The following DCC variants were observed in gnomAD, a reference collection of about 807,000 sequenced individuals.
DCC encodes DCC netrin 1 receptor.
A neutral mutation model predicts 172.5 loss-of-function variants in DCC; 58 were observed. The observed-to-expected ratio is 0.34, with a 90% confidence interval of 0.27 to 0.42. The LOEUF (loss-of-function observed/expected upper bound fraction) is 0.42. Ranked by LOEUF, DCC falls within the 10% of genes least tolerant of loss-of-function variation. The probability of loss-of-function intolerance (pLI) is 1.00; values close to 1 mark genes in which losing one functional copy is unlikely to be tolerated. For synonymous variants in DCC, 709 were observed against 644.5 expected (o/e 1.10, Z -1.52); for missense variants, 1,740 against 1,791.0 (o/e 0.97, Z 0.51).
At position 52,541,705 on chromosome 18, in the gene DCC, C is replaced by A. The variant is rs1035456792; in HGVS notation, c.91+200827C>A. Among the ~76,000 whole-genome samples the A allele has an allele frequency of 2.0e-5, 3 of 151,836 alleles. No homozygotes were observed. In the South Asian group the frequency reaches 6.2e-4, roughly 31 times the overall value. ...TGATAAGAAGCAGGACTTGGCTTTT[C>A]ATCCTTGATATTCTTGTTAAATGGT... On this transcript the variant is annotated intron_variant, in intron 1 of 28. Coordinates refer to ENST00000442544, the MANE Select transcript of DCC (RefSeq NM_005215.4).
chr18:52,558,121 A>G (rs2032956497), intron 1 of DCC, among the ~76,000 whole-genome samples: 1 of 152,068 alleles, frequency 6.6e-6, no homozygotes, highest in South Asian at 2.1e-4. Context: ...GAATGATCAC[A>G]GTTTCTTCAT....
chr18:52,523,984 AT>A (rs2031900716), intron 1 of DCC, among the ~76,000 whole-genome samples: 2 of 152,298 alleles, frequency 1.3e-5, no homozygotes, highest in South Asian at 2.1e-4. Context: ...TCAATTAATA[AT>A]TTTTATAGTT....
intron 12 of DCC, among the ~76,000 whole-genome samples, chr18:53,286,725 C>G (rs552350291): frequency 6.6e-6 from 1 of 152,234 alleles, no homozygotes; most frequent in East Asian, 1.9e-4. Context: ...GTGAGTACCA[C>G]GCTTACAGGG....
chr18:53,481,048 A>G (rs566566485), intron 25 of DCC: 1 of 152,294 alleles, frequency 6.6e-6, no homozygotes, highest in Non-Finnish European at 1.5e-5. Flanking sequence ...AAGACATGAC[A>G]CCTGGCTTTC....
At chr18:53,132,934 G>A (rs955341226) in intron 7 of DCC, among the ~76,000 whole-genome samples, 7 of 152,194 alleles carry the variant, frequency 4.6e-5, no homozygotes, top group African/African-American at 1.7e-4. Context: ...AGCCATGAGT[G>A]CCTGCACCAC....
intron 1 of DCC, among the ~76,000 whole-genome samples, chr18:52,388,207 T>G (rs1378074732): frequency 6.6e-6 from 1 of 152,078 alleles, no homozygotes; most frequent in African/African-American, 2.4e-5. Context: ...TCTATTTTTT[T>G]TTTCTGCTAA....
At chr18:52,519,777 A>G (rs868852410) in intron 1 of DCC, among the ~76,000 whole-genome samples, 74 of 152,336 alleles carry the variant, frequency 4.9e-4, no homozygotes, top group African/African-American at 1.7e-3. Context: ...CATCTGGCTA[A>G]TTGCCATTGC....
intron 1 of DCC, among the ~76,000 whole-genome samples, chr18:52,707,364 A>G (rs1166486194): frequency 6.6e-6 from 1 of 152,188 alleles, no homozygotes; most frequent in Non-Finnish European, 1.5e-5. Flanking sequence ...GAATTGGCAA[A>G]ACATATGTCA....
intron 25 of DCC, among the ~76,000 whole-genome samples, chr18:53,485,530 A>G (rs2045890351): frequency 6.6e-6 from 1 of 152,038 alleles, no homozygotes; most frequent in Non-Finnish European, 1.5e-5. Context: ...TAGCAGAGTC[A>G]CTCTTCATTT....
intron 24 of DCC, among the ~76,000 whole-genome samples, chr18:53,464,994 A>C (rs888981584): frequency 6.6e-6 from 1 of 151,484 alleles, no homozygotes; most frequent in African/African-American, 2.4e-5. Context: ...AAAAAAAAAA[A>C]AAAAAAAGAG....
At chr18:52,904,765 G>A (rs2039856535) in intron 2 of DCC, among the ~76,000 whole-genome samples, 1 of 152,150 alleles carries the variant, frequency 6.6e-6, no homozygotes. Context: ...ATGGATCAAA[G>A]TTTATTGTGA....
At chr18:52,365,348 A>G (rs1277684139) in intron 1 of DCC, among the ~76,000 whole-genome samples, 2 of 152,256 alleles carry the variant, frequency 1.3e-5, no homozygotes, top group Non-Finnish European at 2.9e-5. Flanking sequence ...GGCAACAGAC[A>G]AGATCCTTGA....
At chr18:52,646,310 A>G (rs1312384729) in intron 1 of DCC, among the ~76,000 whole-genome samples, 1 of 151,742 alleles carries the variant, frequency 6.6e-6, no homozygotes, top group Non-Finnish European at 1.5e-5. Context: ...AAACATGCTT[A>G]CAAGAGAACA....
At chr18:53,505,781 G>A (rs890996299) in intron 27 of DCC, among the ~76,000 whole-genome samples, 4 of 152,142 alleles carry the variant, frequency 2.6e-5, no homozygotes, top group Non-Finnish European at 5.9e-5. Context: ...CTGCAGAGTG[G>A]GTGGCCGCAT....
intron 1 of DCC, among the ~76,000 whole-genome samples, chr18:52,372,259 G>T (rs12968875): frequency 0.14 from 21,287 of 152,214 alleles, 1,626 homozygotes; most frequent in Non-Finnish European, 0.16. Flanking sequence ...CCGTGTAGCT[G>T]TAGTGCTGAA....
chr18:52,354,265 G>A (rs1374840024), intron 1 of DCC, among the ~76,000 whole-genome samples: 1 of 152,160 alleles, frequency 6.6e-6, no homozygotes, highest in Non-Finnish European at 1.5e-5. Flanking sequence ...CTATGATGGG[G>A]AGGGGAGTAG....
At chr18:53,267,465 G>T (rs1049270252) in intron 12 of DCC, among the ~76,000 whole-genome samples, 8 of 151,930 alleles carry the variant, frequency 5.3e-5, no homozygotes, top group Non-Finnish European at 1.0e-4. Flanking sequence ...GAGATTACAG[G>T]CATGAGCCAC....
chr18:52,540,242 C>T (rs113443608), intron 1 of DCC, among the ~76,000 whole-genome samples: 3 of 152,080 alleles, frequency 2.0e-5, no homozygotes, highest in African/African-American at 7.2e-5. Context: ...TAGAAACCAT[C>T]CTGGGCAATA....
intron 12 of DCC, among the ~76,000 whole-genome samples, chr18:53,262,340 A>G (rs917851130): frequency 3.3e-5 from 5 of 152,222 alleles, no homozygotes; most frequent in African/African-American, 1.2e-4. Context: ...AATATTTGAG[A>G]GTCCATTCTG....
Sources: gnomAD v4.1 joint callset for allele counts (sites outside exome capture counted in the v4.1 genomes callset) on GRCh38, gnomAD v4.1.1 for gene constraint, MANE v1.5 for transcripts, NCBI Gene and HGNC (gene_info 2026-07-23, HGNC 2026-07-21) for gene names.